The following RP1 variants were observed in gnomAD, a reference collection of about 807,000 sequenced individuals.
RP1 encodes RP1 axonemal microtubule associated, also known as oxygen-regulated protein 1.
A neutral mutation model predicts 14.8 loss-of-function variants in RP1; 16 were observed. The observed-to-expected ratio is 1.08, with a 90% CI of 0.73 to 1.65. RP1 has a LOEUF of 1.65. RP1 is among the 40% of genes most tolerant of loss of function. The pLI is 0.00. For synonymous variants in RP1, 876 were observed against 883.6 expected, an observed-to-expected ratio of 0.99 and a Z score of 0.15; for missense variants, 2,631 against 2,535.0, an observed-to-expected ratio of 1.04 and a Z score of -0.81.
chr8:54,760,013 A>G (rs1015294489), intron 22 of RP1, among the ~76,000 whole-genome samples: 3 of 152,224 alleles, frequency 2.0e-5, no homozygotes, highest in African/African-American at 7.2e-5. Context: ...GGATTTAGCC[A>G]AGAAAATTGC....
intron 1 of RP1, among the ~76,000 whole-genome samples, chr8:54,591,940 C>G (rs1805050489): frequency 6.6e-6 from 1 of 152,188 alleles, no homozygotes; most frequent in African/African-American, 2.4e-5. Flanking sequence ...CGTTTTGGCA[C>G]TAGCACAATG....
chr8:54,844,976 C>G (rs566851430), intron 25 of RP1, among the ~76,000 whole-genome samples: 40 of 152,242 alleles, frequency 2.6e-4, no homozygotes, highest in African/African-American at 6.7e-4. Context: ...CATACTAGGT[C>G]CCCACCTCAC....
At chr8:54,662,650 G>A (rs1249486314) in intron 6 of RP1, among the ~76,000 whole-genome samples, 1 of 152,122 alleles carries the variant, frequency 6.6e-6, no homozygotes, top group Admixed American at 6.5e-5. Flanking sequence ...GAACTAGAGG[G>A]CTTCTACCGA....
intron 24 of RP1, among the ~76,000 whole-genome samples, chr8:54,799,735 C>G (rs1810658052): frequency 6.6e-6 from 1 of 151,880 alleles, no homozygotes; most frequent in Admixed American, 6.6e-5. Context: ...TAATATGCTA[C>G]CCCATGTGCA....
At chr8:54,605,794 T>C (rs1406560925) in intron 1 of RP1, among the ~76,000 whole-genome samples, 2 of 152,220 alleles carry the variant, frequency 1.3e-5, no homozygotes, top group Non-Finnish European at 2.9e-5. Flanking sequence ...CATTATGTAA[T>C]GGCCTTCTTT....
chr8:54,769,894 C>A, exon 23 of RP1: 1 of 795,308 alleles, frequency 1.3e-6, no homozygotes, highest in South Asian at 1.7e-5. Flanking sequence ...TTCCTCAGAA[C>A]ATCCCCTTTG....
chr8:54,669,705 G>T (rs1303203055), intron 7 of RP1, among the ~76,000 whole-genome samples: 1 of 152,124 alleles, frequency 6.6e-6, no homozygotes, highest in African/African-American at 2.4e-5. Flanking sequence ...CCATAAAAAA[G>T]GATGAGTTCA....
chr8:54,789,432 C>A (rs1287912211), intron 24 of RP1, among the ~76,000 whole-genome samples: 1 of 152,114 alleles, frequency 6.6e-6, no homozygotes, highest in Non-Finnish European at 1.5e-5. Flanking sequence ...GATCAGGAAG[C>A]CTAGACAAAG....
intron 1 of RP1, among the ~76,000 whole-genome samples, chr8:54,571,600 G>T (rs1804524877): frequency 1.3e-5 from 2 of 152,186 alleles, no homozygotes; most frequent in African/African-American, 2.4e-5. Context: ...TTCCTTTTCA[G>T]ATGTGGCAAC....
chr8:54,714,455 T>A (rs1247436456), intron 15 of RP1, among the ~76,000 whole-genome samples: 2 of 152,166 alleles, frequency 1.3e-5, no homozygotes, highest in African/African-American at 4.8e-5. Flanking sequence ...GACCCTGCAT[T>A]CTGATGGACC....
At chr8:54,738,271 A>C (rs1380177655) in intron 18 of RP1, among the ~76,000 whole-genome samples, 1 of 152,202 alleles carries the variant, frequency 6.6e-6, no homozygotes, top group Admixed American at 6.5e-5. Flanking sequence ...CTCAGTTTAC[A>C]AAAACATATT....
chr8:54,702,140 T>A (rs116507620), intron 14 of RP1, among the ~76,000 whole-genome samples: 4,468 of 152,282 alleles, frequency 0.029, 127 homozygotes, highest in African/African-American at 0.066. Context: ...AGGCATTTAT[T>A]GAGAATTTCA....
intron 1 of RP1, among the ~76,000 whole-genome samples, chr8:54,600,835 T>C (rs1409836326): frequency 6.6e-6 from 1 of 152,186 alleles, no homozygotes; most frequent in African/African-American, 2.4e-5. Flanking sequence ...CTCCTATCGG[T>C]GTTTTTTGGT....
At chr8:54,712,379 A>G (rs542005227) in intron 15 of RP1, among the ~76,000 whole-genome samples, 55 of 152,248 alleles carry the variant, frequency 3.6e-4, no homozygotes, top group Admixed American at 2.2e-3. Context: ...GCATTCCATC[A>G]TAAGTATCAG....
rs114514081 is a variant in RP1, at chr8:54,589,243, G to A, written c.-13+29923G>A. On this transcript the variant is annotated intron_variant, in intron 1 of 22. Transcript: ENST00000636932. Reference sequence around the variant, plus strand: ...TTAGTTGACTCTATAGAGTTATTGTGTTAGGTTATAAAATCACCTGCATAT... The same window carrying A: ...TTAGTTGACTCTATAGAGTTATTGTATTAGGTTATAAAATCACCTGCATAT... Among the ~76,000 whole-genome samples, 1,230 of 152,266 alleles carry A rather than the reference G, an allele frequency of 8.1e-3. 16 individuals are homozygous for A. Among genetic ancestry groups the A allele is most frequent in the African/African-American group, 0.028 (1,182 of 41,550 alleles).
At chr8:54,586,383 C>G (rs6990368) in intron 1 of RP1, among the ~76,000 whole-genome samples, 1 of 152,244 alleles carries the variant, frequency 6.6e-6, no homozygotes, top group East Asian at 1.9e-4. Flanking sequence ...AGTACCAGGC[C>G]GTGTGAGGTG....
chr8:54,803,168 A>AT (rs1005850424), intron 24 of RP1, among the ~76,000 whole-genome samples: 1 of 152,262 alleles, frequency 6.6e-6, no homozygotes. Flanking sequence ...ACTTTGTCTT[A>AT]TTTTTTAGTC....
intron 19 of RP1, among the ~76,000 whole-genome samples, chr8:54,746,574 C>T (rs1279655116): frequency 6.6e-6 from 1 of 151,962 alleles, no homozygotes; most frequent in Non-Finnish European, 1.5e-5. Flanking sequence ...TAGTAATTAA[C>T]TTTGAATATT....
At chr8:54,788,094 G>A (rs191851693) in intron 24 of RP1, among the ~76,000 whole-genome samples, 11 of 152,302 alleles carry the variant, frequency 7.2e-5, no homozygotes, top group Non-Finnish European at 1.0e-4. Context: ...TAGACTTCCT[G>A]ATAGGATGGG....
Sources: gnomAD v4.1 joint callset for allele counts (sites outside exome capture counted in the v4.1 genomes callset) on GRCh38, gnomAD v4.1.1 for gene constraint, MANE v1.5 for transcripts, NCBI Gene and HGNC (gene_info 2026-07-23, HGNC 2026-07-21) for gene names.